The following CGREF1 variants were observed in gnomAD, a reference collection of about 807,000 sequenced individuals.
CGREF1 encodes the protein cell growth regulator with EF hand domain protein 1.
Under a neutral mutation model 17.4 loss-of-function variants are expected in CGREF1, and 16 were observed. The observed-to-expected ratio is 0.92, with a 90% CI of 0.62 to 1.40. The LOEUF is 1.40. Ranked by LOEUF, CGREF1 falls within the 40% of genes most tolerant of loss-of-function variation. The pLI, the probability that CGREF1 is intolerant of heterozygous loss-of-function variation, is 0.00. For synonymous variants in CGREF1, 142 were observed against 154.6 expected (o/e 0.92, Z 0.61); for missense variants, 296 against 376.4 (o/e 0.79, Z 1.77).
At chr2:27,102,308 A>G in intron 4 of CGREF1, 52 bp downstream of exon 4, 2 of 1,612,452 alleles carry the variant, frequency 1.2e-6, no homozygotes, top group Non-Finnish European at 1.7e-6. Context: ...TCAGTCCCAG[A>G]TCTGGCTGCC....
At chr2:27,104,178 G>A (rs1671025499) in intron 2 of CGREF1, 109 bp downstream of exon 2, 1 of 1,117,020 alleles carries the variant, frequency 9.0e-7, no homozygotes, top group Non-Finnish European at 1.3e-6. Context: ...CAGAGATCGG[G>A]GAACCTACAC....
intron 1 of CGREF1, among the ~76,000 whole-genome samples, chr2:27,115,713 A>G (rs1465209093): frequency 6.6e-6 from 1 of 152,222 alleles, no homozygotes; most frequent in African/African-American, 2.4e-5. Flanking sequence ...AAGGCCTTCT[A>G]CAATCAGATA....
At chr2:27,118,680 G>A (rs1263159097) in intron 1 of CGREF1, 166 bp downstream of exon 1, 1 of 152,482 alleles carries the variant, frequency 6.6e-6, no homozygotes, top group Non-Finnish European at 1.5e-5. Context: ...AGGGTACACA[G>A]GGGCAAGGGC....
At chr2:27,116,753 G>C (rs1216831634) in intron 1 of CGREF1, among the ~76,000 whole-genome samples, 1 of 150,306 alleles carries the variant, frequency 6.7e-6, no homozygotes, top group Non-Finnish European at 1.5e-5. Context: ...ATTTTTAGTA[G>C]AGATGGGGTT....
chr2:27,118,074 G>C (rs1558467568), intron 1 of CGREF1, among the ~76,000 whole-genome samples: 1 of 152,144 alleles, frequency 6.6e-6, no homozygotes, highest in Non-Finnish European at 1.5e-5. Flanking sequence ...GGTTTGGGGA[G>C]GCTGCAATGA....
intron 1 of CGREF1, among the ~76,000 whole-genome samples, chr2:27,109,652 G>A (rs927481608): frequency 2.0e-5 from 3 of 152,076 alleles, no homozygotes; most frequent in Non-Finnish European, 2.9e-5. Context: ...CTGGGAGGCC[G>A]AGGTGGGCGG....
intron 1 of CGREF1, among the ~76,000 whole-genome samples, chr2:27,117,681 A>G (rs936968804): frequency 4.7e-5 from 7 of 148,370 alleles, no homozygotes; most frequent in African/African-American, 1.7e-4. Context: ...AGGTGTCTTA[A>G]CCTCTCTGAG....
intron 1 of CGREF1, chr2:27,110,628 C>A (rs1477855345): frequency 6.6e-6 from 1 of 152,208 alleles, no homozygotes; most frequent in Non-Finnish European, 1.5e-5. Flanking sequence ...AAACCTTTGG[C>A]AATTTCAATT....
In CGREF1 at chr2:27,104,647, C is replaced by T. The variant is rs111559993; in HGVS notation, c.-11-270G>A. ...GAGCTGGGGGCGCATCCCCACCCCA[C>T]GCCCCATTCCCTTGCTCCCCACTAG... On this transcript the variant is annotated intron_variant, in intron 1 of 5. Transcript: ENST00000402394. The T allele has an allele frequency of 8.3e-5, 128 of 1,550,584 alleles. 1 individual carries two copies. The highest frequency in any genetic ancestry group is 7.7e-4 in the African/African-American group (56 of 73,170).
At position 27,111,970 on chromosome 2, in the gene CGREF1, G is replaced by A. The variant is rs867472726; in HGVS notation, c.-12+6876C>T. On this transcript the variant is annotated intron_variant, in intron 1 of 5. Coordinates refer to ENST00000402394, the MANE Select transcript of CGREF1 (RefSeq NM_006569.6). ...AAGCGCGGCCAGAGTGGGCGCCAAGGCCGAGGAGGCGCCGAGAACGAGCGA... is the reference window on the plus strand; with the variant it reads ...AAGCGCGGCCAGAGTGGGCGCCAAGACCGAGGAGGCGCCGAGAACGAGCGA... Among the ~76,000 whole-genome samples the A allele has an allele frequency of 2.6e-5, 4 of 152,242 alleles. No individual in the cohort carries two copies. In the South Asian group the frequency reaches 8.3e-4, roughly 31 times the overall value.
chr2:27,110,585 T>TATAC (rs148839842), intron 1 of CGREF1: 1 of 151,640 alleles, frequency 6.6e-6, no homozygotes, highest in Non-Finnish European at 1.5e-5. Flanking sequence ...AAAATATATA[T>TATAC]ATACAAAGAA....
Position 27,102,677 on chromosome 2 carries a change from G to A in CGREF1, c.81-86C>T, listed in dbSNP as rs1572891881. 10 of 1,424,080 alleles carry A rather than the reference G, an allele frequency of 7.0e-6. No homozygotes were observed. In the East Asian group the frequency reaches 2.3e-4, roughly 33 times the overall value. 88.2% of individuals were successfully genotyped at this position (1,424,080 alleles called of 1,614,324 possible). A position where few individuals can be genotyped will look rare whatever the true frequency, so the allele number is the denominator to read the frequency against. On this transcript the variant is annotated intron_variant, in intron 2 of 5. Coordinates refer to ENST00000402394, the MANE Select transcript of CGREF1 (RefSeq NM_006569.6). Reference sequence around the variant, plus strand: ...ACCTTCTGCCTCCAATCTCCTGGCAGTTTTCTCCCCAGACCCAAAGGGAGT... The same window carrying A: ...ACCTTCTGCCTCCAATCTCCTGGCAATTTTCTCCCCAGACCCAAAGGGAGT...
chr2:27,099,744 CGT>C (rs913167761), downstream of CGREF1: 3 of 1,613,886 alleles, frequency 1.9e-6, no homozygotes, highest in African/African-American at 4.0e-5. Context: ...TTGATGGCAT[CGT>C]GTGAGAGCAG....
At position 27,107,126 on chromosome 2, in the gene CGREF1, GT is replaced by G. The variant is rs1246585927; in HGVS notation, c.-11-2750del. 2.0e-5 allele frequency among the ~76,000 whole-genome samples: 3 copies of G among 152,114 alleles called. No homozygotes were observed. In the East Asian group the frequency reaches 5.8e-4, roughly 29 times the overall value. ...AGGAATATGAACTCATAGCCAAAAC[GT>G]TATAAACATACAAAGAAATAAGACA... is the stretch of plus-strand genomic sequence containing the variant. On this transcript the variant is annotated intron_variant, in intron 1 of 5. Transcript: ENST00000402394.
rs1376812292 is a variant in CGREF1 at position 27,118,097 on chromosome 2, TAGGTGCCTGGCACCAAGC to T, written c.-12+731_-12+748del. Among the ~76,000 whole-genome samples, 9 of 152,220 alleles carry T rather than the reference TAGGTGCCTGGCACCAAGC, an allele frequency of 5.9e-5. No homozygotes were observed. In the East Asian group the frequency reaches 9.7e-4, roughly 16 times the overall value. Reference sequence around the variant, plus strand: ...GAGGCTGCAATGAGAAAACTTAGGGTAGGTGCCTGGCACCAAGCAGGTGCTGCTTGGGTATTTCAGAGC... The same window carrying T: ...GAGGCTGCAATGAGAAAACTTAGGGTAGGTGCTGCTTGGGTATTTCAGAGC... On this transcript the variant is annotated intron_variant, in intron 1 of 5. Transcript: ENST00000402394.
At chr2:27,106,444 C>T (rs1177474487) in intron 1 of CGREF1, among the ~76,000 whole-genome samples, 1 of 152,106 alleles carries the variant, frequency 6.6e-6, no homozygotes, top group African/African-American at 2.4e-5. Flanking sequence ...AGATTCCCTA[C>T]GTAAAGCTGG....
intron 1 of CGREF1, among the ~76,000 whole-genome samples, chr2:27,114,081 G>A (rs547787465): frequency 2.8e-5 from 4 of 141,096 alleles, no homozygotes; most frequent in East Asian, 2.1e-4. Flanking sequence ...TGCAACCTCC[G>A]TCTCCCAGGT....
Position 27,100,931 on chromosome 2 carries a change from C to T in CGREF1, c.*343G>A, listed in dbSNP as rs1208800657. ...TCCTCACTGGGTCCTCTGCAGCCGGCCATGGCTAGCACCATGCGCTCTGCT... is the reference window on the plus strand; with the variant it reads ...TCCTCACTGGGTCCTCTGCAGCCGGTCATGGCTAGCACCATGCGCTCTGCT... On this transcript the variant is annotated 3_prime_UTR_variant, in exon 6 of 6. Transcript: ENST00000402394. The T allele has an allele frequency of 1.8e-6, 2 of 1,110,858 alleles. No individual in the cohort carries two copies. Among genetic ancestry groups the T allele is most frequent in the Admixed American group, 4.6e-5 (1 of 21,578 alleles). 68.8% of individuals were successfully genotyped at this position (1,110,858 alleles called of 1,614,324 possible).
Position 27,101,885 on chromosome 2 carries a change from T to C in CGREF1, c.346A>G (p.Ile116Val). 1 of 1,610,072 alleles carries C rather than the reference T, an allele frequency of 6.2e-7. No homozygotes were observed. Among genetic ancestry groups the C allele is most frequent in the Non-Finnish European group, 8.5e-7 (1 of 1,178,338 alleles). The change falls in exon 6 of 6, where the codon ATC (isoleucine) becomes GTC (valine). Residue 116 changes from isoleucine to valine, a missense_variant. By Grantham distance (29) the Ile-to-Val change is conservative (BLOSUM62 3). Around this residue, in one of 3 missense-constraint regions of CGREF1, gnomAD observed 247 missense variants for 267.2 expected, o/e 0.92. Transcript: ENST00000402394. ...TCGAGCACTTTGTCCACTATCAAGATCACCTGTGGAAGCAGAGTCACTGTG... is the reference window on the plus strand; with the variant it reads ...TCGAGCACTTTGTCCACTATCAAGACCACCTGTGGAAGCAGAGTCACTGTG... Reference protein sequence around the residue: ...AANSPTTNPVILIVDKVLETQ... With the variant: ...AANSPTTNPVVLIVDKVLETQ...
Sources: allele counts gnomAD v4.1 joint callset (sites outside exome capture counted in the v4.1 genomes callset), GRCh38; gene constraint gnomAD v4.1.1; regional missense constraint gnomAD v4.1.1; transcripts MANE v1.5; gene names NCBI Gene and HGNC (gene_info 2026-07-23, HGNC 2026-07-21).